NFIB: variants seen among roughly 807,000 people sequenced by gnomAD.
NFIB encodes the protein nuclear factor I B.
NFIB carries 11 observed loss-of-function variants against 61.5 expected under a neutral mutation model. The ratio of observed to expected loss-of-function variants is 0.18; its 90% confidence interval spans 0.11 to 0.30. The LOEUF is 0.30. Ranked by LOEUF, NFIB falls within the 10% of genes least tolerant of loss-of-function variation. The probability of loss-of-function intolerance (pLI) is 1.00; values close to 1 mark genes in which losing one functional copy is unlikely to be tolerated. For synonymous variants in NFIB, 260 were observed against 216.5 expected, an observed-to-expected ratio of 1.20 and a Z score of -1.76; for missense variants, 471 against 608.9, an observed-to-expected ratio of 0.77 and a Z score of 2.38.
intron 1 of NFIB, among the ~76,000 whole-genome samples, chr9:14,378,131 G>A (rs756619532): frequency 1.1e-4 from 17 of 152,180 alleles, no homozygotes; most frequent in Non-Finnish European, 2.1e-4. Context: ...ATCTGATTAA[G>A]TTAATTAACT....
intron 1 of NFIB, among the ~76,000 whole-genome samples, chr9:14,322,529 C>A (rs969306454): frequency 6.6e-6 from 1 of 152,134 alleles, no homozygotes; most frequent in Non-Finnish European, 1.5e-5. Flanking sequence ...CCGGCCCGCG[C>A]TCCTCCTGCA....
At chr9:14,438,107 G>C in the NFIB span, among the ~76,000 whole-genome samples, 32 of 151,276 alleles carry the variant, frequency 2.1e-4, no homozygotes, top group African/African-American at 7.7e-4. Flanking sequence ...GGTAGATGAG[G>C]GGGGACTGAG....
At position 14,307,541 on chromosome 9, in the gene NFIB, A is replaced by T; in HGVS notation, c.31-21T>A. ...TCATCCTGTGGAAGACAGAGGGGTGAGGAAAAGATGTGCATAGTCAGTTTA... is the reference window on the plus strand; with the variant it reads ...TCATCCTGTGGAAGACAGAGGGGTGTGGAAAAGATGTGCATAGTCAGTTTA... On this transcript the variant is annotated intron_variant, in intron 1 of 10. Coordinates refer to ENST00000380953, the MANE Select transcript of NFIB (RefSeq NM_001190737.2). The surrounding 1 kb of genome is among the most constrained non-coding windows in gnomAD (Gnocchi z 5.3). The T allele has an allele frequency of 6.4e-7, 1 of 1,561,148 alleles. No homozygotes were observed. The highest frequency in any genetic ancestry group is 8.7e-7 in the Non-Finnish European group (1 of 1,153,360).
intron 1 of NFIB, among the ~76,000 whole-genome samples, chr9:14,363,379 C>T (rs1469109209): frequency 6.6e-6 from 1 of 152,068 alleles, no homozygotes; most frequent in African/African-American, 2.4e-5. Context: ...ATTACAATGG[C>T]TTATAGAATC....
chr9:14,291,940 G>C (rs558230611), intron 2 of NFIB, among the ~76,000 whole-genome samples: 1 of 152,048 alleles, frequency 6.6e-6, no homozygotes, highest in Non-Finnish European at 1.5e-5. Flanking sequence ...GTGCAATTTA[G>C]TGTATCTTCC....
At chr9:14,327,482 T>G (rs1160812751) in intron 1 of NFIB, among the ~76,000 whole-genome samples, 2 of 152,180 alleles carry the variant, frequency 1.3e-5, no homozygotes, top group African/African-American at 4.8e-5. Flanking sequence ...CAAACACACA[T>G]TGCATGCTTA....
chr9:14,192,328 A>G (rs555367433), intron 2 of NFIB, among the ~76,000 whole-genome samples: 2 of 152,344 alleles, frequency 1.3e-5, no homozygotes, highest in East Asian at 3.9e-4. Flanking sequence ...CACCAGTAAG[A>G]AAAACTGGTG....
At chr9:14,107,373 T>C (rs1160705345) in intron 10 of NFIB, among the ~76,000 whole-genome samples, 1 of 151,884 alleles carries the variant, frequency 6.6e-6, no homozygotes, top group African/African-American at 2.4e-5. Flanking sequence ...ATCTTAAAAG[T>C]CACTTCTAGT....
At position 14,143,991 on chromosome 9, in the gene NFIB, AGTGTGT is replaced by A. The variant is rs141101627; in HGVS notation, c.925+2692_925+2697del. Among the ~76,000 whole-genome samples the A allele has an allele frequency of 6.7e-3, 896 of 134,220 alleles. 3 individuals are homozygous for A. Among genetic ancestry groups the A allele is most frequent in the African/African-American group, 0.022 (784 of 35,778 alleles). The allele number at this position is 134,220 out of a possible 152,430, so 88.1% of individuals were successfully genotyped here. A position where few individuals can be genotyped will look rare whatever the true frequency, so the allele number is the denominator to read the frequency against. On this transcript the variant is annotated intron_variant, in intron 6 of 10. Transcript: ENST00000380953. ...AGGGTCTTCAGAATTAAAGTGACAGAGTGTGTGTGTGTGTGTGTGTGTGTGTGTGTG... is the reference window on the plus strand; with the variant it reads ...AGGGTCTTCAGAATTAAAGTGACAGAGTGTGTGTGTGTGTGTGTGTGTGTG...
the NFIB span, among the ~76,000 whole-genome samples, chr9:14,463,629 T>G: frequency 0.013 from 1,903 of 151,520 alleles, 48 homozygotes; most frequent in African/African-American, 0.044. Context: ...GCTATTCGGA[T>G]CATTTACATG....
At chr9:14,278,834 G>T (rs894823170) in intron 2 of NFIB, among the ~76,000 whole-genome samples, 3 of 152,110 alleles carry the variant, frequency 2.0e-5, no homozygotes, top group African/African-American at 7.2e-5. Flanking sequence ...TTTTCCAGCA[G>T]TAGAACTTCA....
the NFIB span, among the ~76,000 whole-genome samples, chr9:14,459,205 T>A: frequency 2.6e-5 from 4 of 152,042 alleles, no homozygotes; most frequent in Non-Finnish European, 5.9e-5. Flanking sequence ...CCCTCAGAAA[T>A]AATGCTGCAT....
intron 2 of NFIB, among the ~76,000 whole-genome samples, chr9:14,262,663 C>T (rs1177784816): frequency 3.3e-5 from 5 of 152,286 alleles, no homozygotes; most frequent in East Asian, 3.9e-4. Context: ...CTTCTCCTTT[C>T]GTAAATTCTG....
intron 3 of NFIB, among the ~76,000 whole-genome samples, chr9:14,177,175 C>T (rs1395092740): frequency 6.6e-6 from 1 of 152,098 alleles, no homozygotes; most frequent in Non-Finnish European, 1.5e-5. Context: ...CTTCTCAAGA[C>T]ACAAAATCTC....
chr9:14,230,778 G>A (rs898086634), intron 2 of NFIB, among the ~76,000 whole-genome samples: 3 of 152,120 alleles, frequency 2.0e-5, no homozygotes, highest in Admixed American at 1.3e-4. Flanking sequence ...AGAAAAGTGA[G>A]AAACAAGTTT....
At chr9:14,164,781 G>A (rs1361098130) in intron 3 of NFIB, among the ~76,000 whole-genome samples, 2 of 152,094 alleles carry the variant, frequency 1.3e-5, no homozygotes, top group South Asian at 2.1e-4. Flanking sequence ...GCTGAACACT[G>A]GAACCATCTG....
intron 2 of NFIB, among the ~76,000 whole-genome samples, chr9:14,228,794 T>C (rs1563923584): frequency 6.6e-6 from 1 of 152,164 alleles, no homozygotes. Context: ...TTTATTAGAG[T>C]GTGTTACTCA....
the NFIB span, among the ~76,000 whole-genome samples, chr9:14,515,700 G>C: frequency 6.6e-6 from 1 of 152,152 alleles, no homozygotes; most frequent in South Asian, 2.1e-4. Context: ...AAACTTGAAT[G>C]AGCCTATGCA....
At chr9:14,524,065 T>C in the NFIB span, among the ~76,000 whole-genome samples, 1 of 152,124 alleles carries the variant, frequency 6.6e-6, no homozygotes, top group Admixed American at 6.6e-5. Context: ...CCCTCTCTAT[T>C]AGTAAAATGG....
Sources: allele counts gnomAD v4.1 joint callset (sites outside exome capture counted in the v4.1 genomes callset), GRCh38; gene constraint gnomAD v4.1.1; non-coding constraint Gnocchi (gnomAD v3.1); transcripts MANE v1.5; gene names NCBI Gene and HGNC (gene_info 2026-07-23, HGNC 2026-07-21).